Variants in MRPS9 observed in about 807,000 individuals in gnomAD.
MRPS9 encodes the protein mitochondrial ribosomal protein S9, also known as small ribosomal subunit protein uS9m.
A neutral mutation model predicts 59.9 loss-of-function variants in MRPS9; 45 were observed. The ratio of observed to expected loss-of-function variants is 0.75; its 90% CI spans 0.59 to 0.96. MRPS9 has a LOEUF of 0.96. MRPS9 is among the 40% of genes least tolerant of loss of function. The pLI, the probability that MRPS9 is intolerant of heterozygous loss-of-function variation, is 0.00. For missense variants in MRPS9, 473 were observed against 481.1 expected (o/e 0.98, Z 0.16); for synonymous variants, 171 against 166.8 (o/e 1.03, Z -0.19).
At chr2:105,039,325 T>G (rs1442702025) in intron 1 of MRPS9, among the ~76,000 whole-genome samples, 1 of 151,910 alleles carries the variant, frequency 6.6e-6, no homozygotes, top group African/African-American at 2.4e-5. Context: ...TTGTTTTTTT[T>G]TTTTTTCTTA....
chr2:105,063,968 A>G (rs967958136), intron 2 of MRPS9, among the ~76,000 whole-genome samples: 1 of 152,248 alleles, frequency 6.6e-6, no homozygotes, highest in African/African-American at 2.4e-5. Flanking sequence ...CATAGGAGAA[A>G]GAAGAACTGG....
At chr2:105,099,609 C>G (rs1680746309) in intron 10 of MRPS9, 61 bp from the exon 11 acceptor site, 1 of 1,501,074 alleles carries the variant, frequency 6.7e-7, no homozygotes, top group Middle Eastern at 1.8e-4. Context: ...TATGAACCTG[C>G]TTTTCTTCTG....
At chr2:105,097,350 G>C (rs1256602116) in intron 10 of MRPS9, 26 bp downstream of exon 10, 15 of 1,551,140 alleles carry the variant, frequency 9.7e-6, no homozygotes, top group Non-Finnish European at 1.3e-5. Context: ...GGACGGGCAT[G>C]GTGGCCCAAT....
At chr2:105,075,053 G>A (rs1433064612) in intron 4 of MRPS9, among the ~76,000 whole-genome samples, 1 of 152,214 alleles carries the variant, frequency 6.6e-6, no homozygotes, top group Non-Finnish European at 1.5e-5. Flanking sequence ...TGGTGTTGAT[G>A]GGAGACAGTG....
intron 5 of MRPS9, among the ~76,000 whole-genome samples, chr2:105,087,773 G>C (rs1680476709): frequency 7.5e-6 from 1 of 132,524 alleles, no homozygotes; most frequent in South Asian, 2.4e-4. Context: ...TCTGTACTTC[G>C]TCCCTCCCTC....
intron 2 of MRPS9, among the ~76,000 whole-genome samples, chr2:105,066,586 T>G (rs1680006470): frequency 6.6e-6 from 1 of 152,250 alleles, no homozygotes; most frequent in Admixed American, 6.5e-5. Flanking sequence ...ATTGGTCACC[T>G]AAATTAACAG....
At position 105,097,203 on chromosome 2, in the gene MRPS9, C is replaced by T. The variant is rs1328943142; in HGVS notation, c.978C>T (p.His326=). Residue 326 remains histidine, a synonymous_variant, in exon 10 of 11, where the codon CAC becomes CAT. Coordinates refer to ENST00000258455, the MANE Select transcript of MRPS9 (RefSeq NM_182640.3). ...ACTTTGTTGACCGGCTGGGAAAGCACGACGTGACCTGCACAGTCTCAGGGG... is the reference window on the plus strand; with the variant it reads ...ACTTTGTTGACCGGCTGGGAAAGCATGACGTGACCTGCACAGTCTCAGGGG... ...PFHFVDRLGK[H]DVTCTVSGGG... is the part of the protein sequence containing the mutation. 4 of 1,605,040 alleles carry T rather than the reference C, an allele frequency of 2.5e-6. No homozygotes were observed. The highest frequency in any genetic ancestry group is 2.2e-5 in the South Asian group (2 of 89,698).
intron 7 of MRPS9, among the ~76,000 whole-genome samples, chr2:105,090,647 C>T (rs902929964): frequency 1.3e-5 from 2 of 152,142 alleles, no homozygotes; most frequent in Admixed American, 6.5e-5. Context: ...TAATTGCATT[C>T]TTATTTTGTT....
chr2:105,074,390 G>A (rs1386543922), intron 4 of MRPS9, among the ~76,000 whole-genome samples: 1 of 152,062 alleles, frequency 6.6e-6, no homozygotes, highest in Non-Finnish European at 1.5e-5. Flanking sequence ...AACATAAGAG[G>A]ACAATATTAA....
rs552183192 is a variant in MRPS9, at chr2:105,040,267, A to G, written c.135+2040A>G. 3.9e-5 allele frequency among the ~76,000 whole-genome samples: 6 copies of G among 152,000 alleles called. No homozygotes were observed. In the South Asian group the frequency reaches 1.2e-3, roughly 32 times the overall value. ...GATTTCTCTTGGTAGCCCATGTTTT[A>G]TAAAATAATAAAAATTTTAATCACT... On this transcript the variant is annotated intron_variant, in intron 1 of 10. Coordinates refer to ENST00000258455, the MANE Select transcript of MRPS9 (RefSeq NM_182640.3).
chr2:105,038,069 G>A lies in MRPS9; in HGVS notation c.-24G>A, dbSNP rs773403318. 6.2e-6 allele frequency: 10 copies of A among 1,610,856 alleles called. No individual in the cohort carries two copies. The highest frequency in any genetic ancestry group is 2.2e-5 in the East Asian group (1 of 44,784). ...CTAGGCCCCGCCCCCTCACCCCTCC[G>A]GTCCTGGAGCTCCCACAGCTAACAT... On this transcript the variant is annotated 5_prime_UTR_variant, in exon 1 of 11. Transcript: ENST00000258455.
In MRPS9 at chr2:105,094,051, G is replaced by A. The variant is rs140632307; in HGVS notation, c.929+413G>A. 4.6e-3 allele frequency among the ~76,000 whole-genome samples: 707 copies of A among 152,186 alleles called. 3 individuals carry two copies. Among genetic ancestry groups the A allele is most frequent in the Middle Eastern group, 0.02 (6 of 294 alleles). On this transcript the variant is annotated intron_variant, in intron 9 of 10. Transcript: ENST00000258455. ...CACTTAAAACTGACCTAACTCACAA[G>A]GCAAAGAAAAGTGCAAGTAATTTCT...
chr2:105,092,572 A>ATCTT lies in MRPS9; in HGVS notation c.820+3_820+4insTCTT. On this transcript the variant is annotated splice_donor_region_variant and intron_variant, in intron 8 of 10. Coordinates refer to ENST00000258455, the MANE Select transcript of MRPS9 (RefSeq NM_182640.3). ...AATGGCCTTTAGCAAAAGTGAAGGT[A>ATCTT]ATGACATTCTGTGGAGAGAAAATAA... 6.5e-7 allele frequency: 1 copy of ATCTT among 1,550,314 alleles called. No homozygotes were observed. The highest frequency in any genetic ancestry group is 8.7e-7 in the Non-Finnish European group (1 of 1,149,068).
intron 8 of MRPS9, 57 bp downstream of exon 8, chr2:105,092,626 A>AT: frequency 2.2e-6 from 3 of 1,344,942 alleles, no homozygotes; most frequent in African/African-American, 1.5e-5. Context: ...AACTACAATT[A>AT]TTTTTATTTG....
intron 1 of MRPS9, among the ~76,000 whole-genome samples, chr2:105,042,051 G>C (rs980450220): frequency 1.3e-5 from 2 of 152,160 alleles, no homozygotes; most frequent in African/African-American, 4.8e-5. Flanking sequence ...GAACGTATCA[G>C]TTATTTATTG....
chr2:105,080,090 A>G (rs971914738), intron 5 of MRPS9, 28 bp downstream of exon 5: 6 of 1,476,362 alleles, frequency 4.1e-6, no homozygotes. Flanking sequence ...ATGATAAATA[A>G]TATGAGCTGT....
At chr2:105,096,835 T>C (rs1291282831) in intron 9 of MRPS9, among the ~76,000 whole-genome samples, 1 of 152,038 alleles carries the variant, frequency 6.6e-6, no homozygotes, top group Admixed American at 6.5e-5. Context: ...ATTAATGGAG[T>C]TCCCCAACTG....
chr2:105,081,896 A>G (rs564552796), intron 5 of MRPS9, among the ~76,000 whole-genome samples: 1 of 152,356 alleles, frequency 6.6e-6, no homozygotes, highest in South Asian at 2.1e-4. Context: ...TTACAGCTGC[A>G]GTCACACCAG....
chr2:105,054,331 G>A (rs1258349088), intron 2 of MRPS9, among the ~76,000 whole-genome samples: 1 of 152,228 alleles, frequency 6.6e-6, no homozygotes, highest in Non-Finnish European at 1.5e-5. Context: ...CTGAGAATGA[G>A]TGCTGGGGAG....
Sources: gnomAD v4.1 joint callset for allele counts (sites outside exome capture counted in the v4.1 genomes callset) on GRCh38, gnomAD v4.1.1 for gene constraint, MANE v1.5 for transcripts, NCBI Gene and HGNC (gene_info 2026-07-23, HGNC 2026-07-21) for gene names.